The following SCHIP1 variants were observed in gnomAD, a reference collection of about 807,000 sequenced individuals.
The protein encoded by SCHIP1 is schwannomin-interacting protein 1.
A neutral mutation model predicts 29.7 loss-of-function variants in SCHIP1; 8 were observed. The ratio of observed to expected loss-of-function variants is 0.27; its 90% CI spans 0.16 to 0.49. SCHIP1 has a LOEUF of 0.49. SCHIP1 is among the 20% of genes least tolerant of loss of function. The probability of loss-of-function intolerance (pLI) is 0.99; values close to 1 mark genes in which losing one functional copy is unlikely to be tolerated. For synonymous variants in SCHIP1, 76 were observed against 94.9 expected (o/e 0.80, Z 1.16); for missense variants, 193 against 294.6 (o/e 0.66, Z 2.52).
chr3:159,498,564 A>G, the SCHIP1 span, among the ~76,000 whole-genome samples: 2 of 152,156 alleles, frequency 1.3e-5, no homozygotes, highest in Non-Finnish European at 2.9e-5. Flanking sequence ...CTTTACATGG[A>G]AGTTTAGGAA....
the SCHIP1 span, among the ~76,000 whole-genome samples, chr3:159,318,748 C>T: frequency 5.3e-5 from 8 of 152,200 alleles, no homozygotes; most frequent in South Asian, 1.2e-3. Context: ...TGCTCGAGCC[C>T]GATCAGGTAG....
chr3:159,299,550 G>T, the SCHIP1 span, among the ~76,000 whole-genome samples: 4 of 152,212 alleles, frequency 2.6e-5, no homozygotes, highest in Admixed American at 2.6e-4. Flanking sequence ...AGGTTGTTTA[G>T]ATTTGTTGCC....
the SCHIP1 span, among the ~76,000 whole-genome samples, chr3:159,295,614 C>T: frequency 6.6e-6 from 1 of 152,282 alleles, no homozygotes; most frequent in Admixed American, 6.5e-5. Flanking sequence ...AGTCCTTCCT[C>T]CCATCAAGCA....
the SCHIP1 span, among the ~76,000 whole-genome samples, chr3:159,448,698 C>T: frequency 6.6e-6 from 1 of 152,120 alleles, no homozygotes; most frequent in African/African-American, 2.4e-5. Context: ...ATAAACGAAA[C>T]TATCATTTTG....
chr3:159,851,623 G>C (rs796071642), intron 1 of SCHIP1, among the ~76,000 whole-genome samples: 2 of 152,174 alleles, frequency 1.3e-5, no homozygotes, highest in South Asian at 4.1e-4. Flanking sequence ...CCTTTGGCAG[G>C]ATTTAACATA....
chr3:159,773,307 G>T, the SCHIP1 span, among the ~76,000 whole-genome samples: 1 of 152,172 alleles, frequency 6.6e-6, no homozygotes, highest in African/African-American at 2.4e-5. Context: ...CAATAGAAGG[G>T]TAATAGGATT....
At chr3:159,519,216 T>A in the SCHIP1 span, among the ~76,000 whole-genome samples, 638 of 152,230 alleles carry the variant, frequency 4.2e-3, 7 homozygotes, top group African/African-American at 0.015. Context: ...GCCAAGTTAG[T>A]CCCTTTTAAA....
chr3:159,302,084 C>T, the SCHIP1 span, among the ~76,000 whole-genome samples: 1 of 152,174 alleles, frequency 6.6e-6, no homozygotes, highest in Non-Finnish European at 1.5e-5. Flanking sequence ...AGATCACTTG[C>T]AAATGCCAAC....
At chr3:159,767,764 A>C in the SCHIP1 span, among the ~76,000 whole-genome samples, 1 of 151,804 alleles carries the variant, frequency 6.6e-6, no homozygotes, top group Non-Finnish European at 1.5e-5. Flanking sequence ...GTCCCCCACC[A>C]CCCTTCCTAA....
chr3:159,520,399 G>A, the SCHIP1 span, among the ~76,000 whole-genome samples: 1 of 152,110 alleles, frequency 6.6e-6, no homozygotes, highest in Non-Finnish European at 1.5e-5. Flanking sequence ...GCAGTCTTGG[G>A]GGTACAGGAC....
At chr3:159,438,158 C>A in the SCHIP1 span, among the ~76,000 whole-genome samples, 1 of 152,132 alleles carries the variant, frequency 6.6e-6, no homozygotes, top group African/African-American at 2.4e-5. Flanking sequence ...TTTGACACAA[C>A]CTTCCACAGA....
chr3:159,793,129 A>G, the SCHIP1 span, among the ~76,000 whole-genome samples: 2 of 152,176 alleles, frequency 1.3e-5, no homozygotes, highest in Non-Finnish European at 2.9e-5. Context: ...GCCATGTATC[A>G]TAATCCTTGA....
At chr3:159,713,623 T>A in the SCHIP1 span, among the ~76,000 whole-genome samples, 1 of 152,252 alleles carries the variant, frequency 6.6e-6, no homozygotes, top group African/African-American at 2.4e-5. Context: ...GTCAGACTTC[T>A]CTGTGTTGGA....
At chr3:159,647,453 T>A in the SCHIP1 span, among the ~76,000 whole-genome samples, 1,451 of 152,188 alleles carry the variant, frequency 9.5e-3, 18 homozygotes, top group South Asian at 0.015. Context: ...GGACTGTAGA[T>A]CCTTCTCAGG....
At chr3:159,755,924 C>T in the SCHIP1 span, among the ~76,000 whole-genome samples, 3 of 152,366 alleles carry the variant, frequency 2.0e-5, no homozygotes, top group African/African-American at 4.8e-5. Context: ...CACACTGATG[C>T]AAGAGGTGGG....
At chr3:159,422,216 T>C in the SCHIP1 span, among the ~76,000 whole-genome samples, 1 of 152,216 alleles carries the variant, frequency 6.6e-6, no homozygotes, top group Non-Finnish European at 1.5e-5. Context: ...ATTTCATCAA[T>C]GGATTGCTAG....
chr3:159,349,755 C>T, the SCHIP1 span, among the ~76,000 whole-genome samples: 3 of 152,074 alleles, frequency 2.0e-5, no homozygotes, highest in Admixed American at 1.3e-4. Context: ...CTAGGGTCTT[C>T]GGGTCGGGGT....
At chr3:159,290,136 T>TA in the SCHIP1 span, among the ~76,000 whole-genome samples, 3 of 151,462 alleles carry the variant, frequency 2.0e-5, no homozygotes, top group Admixed American at 1.3e-4. Context: ...CGAAGACAAC[T>TA]AAAAAAAAGG....
At chr3:159,285,035 T>G in the SCHIP1 span, among the ~76,000 whole-genome samples, 2 of 152,156 alleles carry the variant, frequency 1.3e-5, no homozygotes, top group Non-Finnish European at 1.5e-5. Context: ...AAATTTTTGT[T>G]TAATGACAAT....
Sources: gnomAD v4.1 joint callset for allele counts (sites outside exome capture counted in the v4.1 genomes callset) on GRCh38, gnomAD v4.1.1 for gene constraint, MANE v1.5 for transcripts, NCBI Gene and HGNC (gene_info 2026-07-23, HGNC 2026-07-21) for gene names.